Variants in GPC6 observed in about 807,000 individuals in gnomAD.
GPC6 encodes the protein glypican 6, also known as glypican-6.
A neutral mutation model predicts 55.2 loss-of-function variants in GPC6; 14 were observed. That is an observed-to-expected ratio of 0.25 (90% confidence interval 0.17 to 0.40). The LOEUF (loss-of-function observed/expected upper bound fraction) is 0.40, where lower values mean the gene tolerates loss of function less well. GPC6 is among the 10% of genes least tolerant of loss of function. The pLI is 1.00. For synonymous variants in GPC6, 278 were observed against 259.6 expected (o/e 1.07, Z -0.68); for missense variants, 641 against 708.5 (o/e 0.90, Z 1.08).
At chr13:93,450,752 G>T (rs142035014) in intron 1 of GPC6, 2 of 949,264 alleles carry the variant, frequency 2.1e-6, no homozygotes, top group Non-Finnish European at 1.3e-6. Context: ...TTAAGGTAAG[G>T]ATGAACCTTT....
Position 93,830,363 on chromosome 13 carries a change from A to T in GPC6, c.529A>T (p.Asn177Tyr). The change falls in exon 3 of 9, where the codon AAC (asparagine) becomes TAC (tyrosine). Residue 177 changes from asparagine (N) to tyrosine (Y), a missense_variant. By Grantham distance (143) the Asn-to-Tyr change is moderately radical. Coordinates refer to ENST00000377047, the MANE Select transcript of GPC6 (RefSeq NM_005708.5). ...CCTGGAACGGATGTTTCAGCTGATA[A>T]ACCCTCAGTATCACTTCAGTGAAGA... ...RLLERMFQLI[N>Y]PQYHFSEDYL... 6.2e-7 allele frequency: 1 copy of T among 1,613,936 alleles called. No homozygotes were observed. Among genetic ancestry groups the T allele is most frequent in the Non-Finnish European group, 8.5e-7 (1 of 1,179,934 alleles).
intron 3 of GPC6, among the ~76,000 whole-genome samples, chr13:93,919,012 A>G (rs1164506173): frequency 6.6e-6 from 1 of 152,120 alleles, no homozygotes; most frequent in Non-Finnish European, 1.5e-5. Context: ...GGATCATGGG[A>G]CAGATCCTTC....
At chr13:93,675,243 T>C (rs1187810329) in intron 2 of GPC6, among the ~76,000 whole-genome samples, 1 of 152,060 alleles carries the variant, frequency 6.6e-6, no homozygotes, top group Non-Finnish European at 1.5e-5. Flanking sequence ...GTCTCCAGTT[T>C]AGGGGTTTTT....
At chr13:94,402,908 G>T in intron 8 of GPC6, 107 bp from the exon 9 acceptor site, 1 of 876,748 alleles carries the variant, frequency 1.1e-6, no homozygotes. Flanking sequence ...CCTCTCCCCT[G>T]ACAGGTGGGG....
chr13:94,378,674 A>G (rs993301180), intron 6 of GPC6, among the ~76,000 whole-genome samples: 3 of 152,204 alleles, frequency 2.0e-5, no homozygotes, highest in Non-Finnish European at 4.4e-5. Flanking sequence ...CCCCAACAGT[A>G]TATGTTTGGA....
intron 1 of GPC6, among the ~76,000 whole-genome samples, chr13:93,367,120 T>C (rs1881279505): frequency 6.6e-6 from 1 of 152,114 alleles, no homozygotes; most frequent in African/African-American, 2.4e-5. Context: ...TTAGTTGATA[T>C]GGCAGTACCA....
At chr13:93,998,201 A>T (rs1566640928) in intron 3 of GPC6, among the ~76,000 whole-genome samples, 1 of 152,256 alleles carries the variant, frequency 6.6e-6, no homozygotes, top group Admixed American at 6.5e-5. Flanking sequence ...CAGATACAAC[A>T]GATGTAAATA....
At chr13:93,253,033 A>G (rs1876838578) in intron 1 of GPC6, among the ~76,000 whole-genome samples, 1 of 152,256 alleles carries the variant, frequency 6.6e-6, no homozygotes, top group African/African-American at 2.4e-5. Flanking sequence ...GTTTTAAAGC[A>G]TAACATTTCT....
chr13:93,884,465 C>G (rs1566585595), intron 3 of GPC6, among the ~76,000 whole-genome samples: 1 of 151,918 alleles, frequency 6.6e-6, no homozygotes, highest in Non-Finnish European at 1.5e-5. Flanking sequence ...TATAAACTCT[C>G]GTTCTTCACA....
At chr13:93,561,296 C>G (rs528219646) in intron 2 of GPC6, among the ~76,000 whole-genome samples, 10 of 151,084 alleles carry the variant, frequency 6.6e-5, no homozygotes, top group African/African-American at 2.4e-4. Flanking sequence ...GGGAAAATAT[C>G]AGATATTTTA....
chr13:94,189,575 C>A (rs1240783843), intron 4 of GPC6, among the ~76,000 whole-genome samples: 1 of 152,140 alleles, frequency 6.6e-6, no homozygotes, highest in African/African-American at 2.4e-5. Flanking sequence ...CATAGGACAC[C>A]TCTAGATTGT....
At chr13:93,748,205 T>C (rs1884466168) in intron 2 of GPC6, among the ~76,000 whole-genome samples, 1 of 152,166 alleles carries the variant, frequency 6.6e-6, no homozygotes, top group African/African-American at 2.4e-5. Context: ...GTTGAATTTC[T>C]TATTTTTAGC....
intron 3 of GPC6, among the ~76,000 whole-genome samples, chr13:93,906,488 A>G (rs1168949765): frequency 1.3e-5 from 2 of 152,208 alleles, no homozygotes; most frequent in East Asian, 1.9e-4. Context: ...CCAAAATCCA[A>G]TGCTCATTGA....
intron 3 of GPC6, among the ~76,000 whole-genome samples, chr13:93,943,559 A>ATC (rs1878840718): frequency 2.0e-5 from 3 of 152,196 alleles, no homozygotes; most frequent in South Asian, 2.1e-4. Flanking sequence ...AATTGCATTT[A>ATC]TCTACTGTCT....
At chr13:93,955,399 G>T (rs1832080769) in intron 3 of GPC6, among the ~76,000 whole-genome samples, 1 of 151,722 alleles carries the variant, frequency 6.6e-6, no homozygotes, top group Admixed American at 6.6e-5. Flanking sequence ...CAGCTTCAAA[G>T]AAAACAGAGT....
In GPC6 at chr13:94,168,977, G is replaced by T. The variant is rs554729399; in HGVS notation, c.878-117372G>T. ...ACCCTCCGTGGGCGTGGGGATAGAA[G>T]TTGGACCAGGGTAAGTTCCACTTAT... On this transcript the variant is annotated intron_variant, in intron 4 of 8. Transcript: ENST00000377047. Among the ~76,000 whole-genome samples the T allele has an allele frequency of 2.8e-4, 42 of 152,248 alleles. No homozygotes were observed. In the South Asian group the frequency reaches 8.3e-3, roughly 30 times the overall value.
intron 2 of GPC6, among the ~76,000 whole-genome samples, chr13:93,796,315 A>G (rs1184537237): frequency 2.6e-5 from 4 of 152,168 alleles, no homozygotes; most frequent in Non-Finnish European, 5.9e-5. Context: ...ATGAGAGTAT[A>G]TTTTTAAAAA....
At position 94,271,546 on chromosome 13, in the gene GPC6, C is replaced by A. The variant is rs370203125; in HGVS notation, c.878-14803C>A. ...GCCCTTTACAACCTTGAGCCTTGGG[C>A]AAGTTATTTCCCTTCTAGGGTCTTA... is the stretch of plus-strand genomic sequence containing the variant. On this transcript the variant is annotated intron_variant, in intron 4 of 8. Transcript: ENST00000377047. Among the ~76,000 whole-genome samples the A allele has an allele frequency of 9.9e-5, 15 of 152,212 alleles. 1 individual carries two copies. The South Asian group carries it at 2.7e-3, about 27-fold the overall frequency.
At chr13:93,999,394 G>T (rs1346982199) in intron 3 of GPC6, among the ~76,000 whole-genome samples, 2 of 152,160 alleles carry the variant, frequency 1.3e-5, no homozygotes, top group South Asian at 2.1e-4. Flanking sequence ...ATTCCATGGT[G>T]CATATGTGCC....
Sources: allele counts gnomAD v4.1 joint callset (sites outside exome capture counted in the v4.1 genomes callset), GRCh38; gene constraint gnomAD v4.1.1; transcripts MANE v1.5; gene names NCBI Gene and HGNC (gene_info 2026-07-23, HGNC 2026-07-21).